Variants in ESRRG observed in about 807,000 individuals in gnomAD.
ESRRG encodes the protein estrogen related receptor gamma, also known as estrogen-related receptor gamma.
In ESRRG, 13 loss-of-function variants were observed where a neutral mutation model predicts 44.0. That is an observed-to-expected ratio of 0.30 (90% CI 0.19 to 0.47). The LOEUF is 0.47. Ranked by LOEUF, ESRRG falls within the 20% of genes least tolerant of loss-of-function variation. ESRRG has a pLI of 1.00. For missense variants in ESRRG, 395 were observed against 580.6 expected (o/e 0.68, Z 3.29); for synonymous variants, 215 against 214.6 (o/e 1.00, Z -0.02).
At chr1:216,532,906 T>A (rs553381131) in intron 5 of ESRRG, among the ~76,000 whole-genome samples, 12 of 152,296 alleles carry the variant, frequency 7.9e-5, no homozygotes, top group Non-Finnish European at 1.3e-4. Context: ...TTTTCTTTTT[T>A]CATATTCTCT....
At chr1:217,061,307 A>C (rs1170987470) in intron 1 of ESRRG, among the ~76,000 whole-genome samples, 3 of 152,182 alleles carry the variant, frequency 2.0e-5, no homozygotes, top group Non-Finnish European at 4.4e-5. Flanking sequence ...TTGAAATCGC[A>C]AATAGATAAC....
At chr1:217,001,004 A>G (rs1364243714) in intron 1 of ESRRG, among the ~76,000 whole-genome samples, 1 of 152,248 alleles carries the variant, frequency 6.6e-6, no homozygotes, top group Non-Finnish European at 1.5e-5. Context: ...TAATGGAGAA[A>G]TAAAAGTGAT....
intron 2 of ESRRG, among the ~76,000 whole-genome samples, chr1:216,889,478 C>T (rs1390060965): frequency 6.6e-6 from 1 of 152,088 alleles, no homozygotes; most frequent in Non-Finnish European, 1.5e-5. Flanking sequence ...TAGAAAGTGG[C>T]TGACAGCAAA....
At chr1:216,853,776 T>C (rs147329746) in intron 2 of ESRRG, among the ~76,000 whole-genome samples, 1 of 152,236 alleles carries the variant, frequency 6.6e-6, no homozygotes, top group Non-Finnish European at 1.5e-5. Flanking sequence ...CTAGCTTTCA[T>C]CTGTTTTATT....
At chr1:216,905,114 G>A (rs1055676133) in intron 2 of ESRRG, among the ~76,000 whole-genome samples, 16 of 152,210 alleles carry the variant, frequency 1.1e-4, no homozygotes, top group African/African-American at 3.9e-4. Context: ...CTACAGGGAC[G>A]GAACTTCAAT....
intron 5 of ESRRG, among the ~76,000 whole-genome samples, chr1:216,525,895 C>T (rs185295359): frequency 2.5e-4 from 38 of 152,208 alleles, no homozygotes; most frequent in African/African-American, 8.4e-4. Context: ...CACTTTGGAA[C>T]CAGATATCTA....
chr1:216,777,068 A>G (rs1427104614), intron 2 of ESRRG, among the ~76,000 whole-genome samples: 1 of 152,158 alleles, frequency 6.6e-6, no homozygotes, highest in East Asian at 1.9e-4. Flanking sequence ...CCAGTGAGGT[A>G]CTACTGGCAT....
intron 2 of ESRRG, among the ~76,000 whole-genome samples, chr1:216,769,767 A>G (rs2093300832): frequency 6.6e-6 from 1 of 152,132 alleles, no homozygotes; most frequent in Non-Finnish European, 1.5e-5. Context: ...GTGACTGATA[A>G]TAGAGGTTTA....
At chr1:216,933,023 C>G (rs1040827167) in intron 2 of ESRRG, among the ~76,000 whole-genome samples, 6 of 151,996 alleles carry the variant, frequency 3.9e-5, no homozygotes, top group Non-Finnish European at 8.8e-5. Flanking sequence ...AGCTCTTCTA[C>G]TTGGCCAAAG....
At chr1:217,116,941 C>A (rs1246199887) in intron 1 of ESRRG, among the ~76,000 whole-genome samples, 2 of 152,208 alleles carry the variant, frequency 1.3e-5, no homozygotes, top group African/African-American at 4.8e-5. Context: ...CAGTCAGCCT[C>A]ATTAAGCCTT....
intron 1 of ESRRG, among the ~76,000 whole-genome samples, chr1:216,695,192 C>A (rs530832072): frequency 3.7e-4 from 56 of 151,820 alleles, no homozygotes; most frequent in African/African-American, 1.3e-3. Context: ...TGACAAAGTA[C>A]GATTTTTAAT....
intron 1 of ESRRG, among the ~76,000 whole-genome samples, chr1:216,691,262 A>G (rs1250840497): frequency 6.6e-6 from 1 of 152,206 alleles, no homozygotes; most frequent in Non-Finnish European, 1.5e-5. Context: ...GATTTTTTAA[A>G]ATATGGTTAA....
chr1:217,124,835 C>T (rs1396423968), intron 1 of ESRRG, among the ~76,000 whole-genome samples: 1 of 152,110 alleles, frequency 6.6e-6, no homozygotes, highest in Non-Finnish European at 1.5e-5. Context: ...CATTCTATGC[C>T]CCTAGCCAAA....
chr1:216,590,987 T>TA (rs1269908925), intron 3 of ESRRG, among the ~76,000 whole-genome samples: 2 of 152,230 alleles, frequency 1.3e-5, no homozygotes, highest in Non-Finnish European at 2.9e-5. Context: ...CATAGGAAGA[T>TA]ACTTGGTCTT....
intron 3 of ESRRG, among the ~76,000 whole-genome samples, chr1:216,646,614 C>T (rs1018815200): frequency 2.6e-5 from 4 of 152,184 alleles, no homozygotes; most frequent in African/African-American, 9.7e-5. Flanking sequence ...TTGACCTCTT[C>T]CTTACACTAG....
At chr1:217,006,265 A>C (rs916552282) in intron 1 of ESRRG, among the ~76,000 whole-genome samples, 2 of 152,178 alleles carry the variant, frequency 1.3e-5, no homozygotes, top group Non-Finnish European at 2.9e-5. Context: ...TATGATGATT[A>C]GGTAATATAA....
intron 1 of ESRRG, among the ~76,000 whole-genome samples, chr1:217,102,942 G>A (rs2092538926): frequency 6.6e-6 from 1 of 152,170 alleles, no homozygotes. Flanking sequence ...GCTGATGGGG[G>A]AGAGAGAAGG....
intron 2 of ESRRG, among the ~76,000 whole-genome samples, chr1:216,662,724 G>A (rs905604740): frequency 1.2e-4 from 18 of 152,152 alleles, no homozygotes; most frequent in African/African-American, 4.1e-4. Flanking sequence ...CCACAGAAGA[G>A]CAGGGGTTTG....
At chr1:216,527,933 T>C (rs773086089) in intron 5 of ESRRG, among the ~76,000 whole-genome samples, 1 of 152,138 alleles carries the variant, frequency 6.6e-6, no homozygotes, top group African/African-American at 2.4e-5. Flanking sequence ...GTTTGCTGTG[T>C]TCTAGATAAA....
Sources: gnomAD v4.1 joint callset for allele counts (sites outside exome capture counted in the v4.1 genomes callset) on GRCh38, gnomAD v4.1.1 for gene constraint, MANE v1.5 for transcripts, NCBI Gene and HGNC (gene_info 2026-07-23, HGNC 2026-07-21) for gene names.